The following SDK1 variants were observed in gnomAD, a reference collection of about 807,000 sequenced individuals.
The protein encoded by SDK1 is sidekick cell adhesion molecule 1.
In SDK1, 157 loss-of-function variants were observed where a neutral mutation model predicts 245.5. The ratio of observed to expected loss-of-function variants is 0.64; its 90% CI spans 0.56 to 0.73. The LOEUF is 0.73. Ranked by LOEUF, SDK1 falls within the 30% of genes least tolerant of loss-of-function variation. The pLI is 0.00. For missense variants in SDK1, 3,583 were observed against 3,002.3 expected, an observed-to-expected ratio of 1.19 and a Z score of -4.52; for synonymous variants, 1,647 against 1,278.5, an observed-to-expected ratio of 1.29 and a Z score of -6.15.
chr7:3,642,159 GC>G, intron 4 of SDK1, 54 bp downstream of exon 4: 4 of 1,529,622 alleles, frequency 2.6e-6, no homozygotes, highest in Non-Finnish European at 3.6e-6. Context: ...TCACTTGCTG[GC>G]ACCATCTACA....
At chr7:4,007,391 G>A (rs1785566592) in intron 14 of SDK1, among the ~76,000 whole-genome samples, 1 of 152,080 alleles carries the variant, frequency 6.6e-6, no homozygotes, top group African/African-American at 2.4e-5. Flanking sequence ...CAGTGAGGAA[G>A]AAAGAGCCTT....
chr7:4,169,438 G>A (rs1017544226), intron 32 of SDK1, among the ~76,000 whole-genome samples: 9 of 152,146 alleles, frequency 5.9e-5, no homozygotes, highest in Non-Finnish European at 8.8e-5. Flanking sequence ...CACTGTGCCC[G>A]CCTTGCAGAG....
At chr7:4,206,794 C>G (rs1261638588) in intron 36 of SDK1, among the ~76,000 whole-genome samples, 1 of 152,130 alleles carries the variant, frequency 6.6e-6, no homozygotes, top group Non-Finnish European at 1.5e-5. Context: ...TGCTGGGACC[C>G]AAGTCGATCA....
intron 9 of SDK1, among the ~76,000 whole-genome samples, chr7:3,966,522 G>A (rs139658632): frequency 6.6e-6 from 1 of 152,132 alleles, no homozygotes; most frequent in African/African-American, 2.4e-5. Context: ...CATCCCCCAT[G>A]AACAAGAAGA....
chr7:4,181,963 A>G (rs1782626913), intron 35 of SDK1, among the ~76,000 whole-genome samples: 1 of 152,060 alleles, frequency 6.6e-6, no homozygotes, highest in Admixed American at 6.6e-5. Flanking sequence ...TCTGTCACCC[A>G]GGCTGGAGTG....
intron 10 of SDK1, among the ~76,000 whole-genome samples, chr7:3,968,098 C>G (rs1288137173): frequency 1.3e-5 from 2 of 152,270 alleles, no homozygotes; most frequent in East Asian, 3.8e-4. Context: ...TGCTAGCACT[C>G]ACTTTTCCCA....
intron 22 of SDK1, 137 bp downstream of exon 22, chr7:4,079,721 G>A: frequency 1.6e-6 from 2 of 1,247,300 alleles, no homozygotes. Context: ...CCAGGGGCTG[G>A]AGATAGCCCA....
intron 1 of SDK1, among the ~76,000 whole-genome samples, chr7:3,510,379 T>C (rs1217854863): frequency 2.6e-5 from 4 of 152,198 alleles, no homozygotes; most frequent in Admixed American, 2.6e-4. Flanking sequence ...GCTCCAAGTT[T>C]TTTAGTTATG....
At chr7:4,092,899 C>G (rs1781900525) in intron 22 of SDK1, among the ~76,000 whole-genome samples, 1 of 152,180 alleles carries the variant, frequency 6.6e-6, no homozygotes, top group African/African-American at 2.4e-5. Context: ...CACTCTCTGC[C>G]AGAAGAGTGT....
chr7:4,146,737 G>A (rs138714084), intron 29 of SDK1, among the ~76,000 whole-genome samples: 10 of 152,336 alleles, frequency 6.6e-5, no homozygotes, highest in Admixed American at 3.3e-4. Context: ...GAGAACTGCC[G>A]GGCGAGCAGG....
intron 4 of SDK1, among the ~76,000 whole-genome samples, chr7:3,686,792 G>A (rs142741917): frequency 1.0e-3 from 153 of 152,232 alleles, no homozygotes; most frequent in African/African-American, 3.5e-3. Context: ...GCTTATGTAT[G>A]GAAAGCATTT....
At chr7:4,246,290 G>A (rs755778178) in intron 44 of SDK1, among the ~76,000 whole-genome samples, 17 of 152,232 alleles carry the variant, frequency 1.1e-4, no homozygotes, top group South Asian at 2.1e-4. Context: ...TCGCTTTCAC[G>A]TGCTCCATCT....
chr7:4,105,199 T>C (rs1225393305), intron 22 of SDK1, among the ~76,000 whole-genome samples: 1 of 151,958 alleles, frequency 6.6e-6, no homozygotes, highest in Non-Finnish European at 1.5e-5. Flanking sequence ...GCCAGGCTGA[T>C]CTTGAACTCC....
chr7:3,583,310 T>A (rs1184460449), intron 1 of SDK1, among the ~76,000 whole-genome samples: 2 of 152,214 alleles, frequency 1.3e-5, no homozygotes, highest in Admixed American at 6.5e-5. Context: ...AAATTTTCAG[T>A]GCATTATGTT....
chr7:4,173,940 A>G (rs539396466), intron 32 of SDK1, among the ~76,000 whole-genome samples: 198 of 152,306 alleles, frequency 1.3e-3, no homozygotes, highest in African/African-American at 4.6e-3. Flanking sequence ...CTCCTGCCCC[A>G]GCCTGGGGGC....
intron 22 of SDK1, among the ~76,000 whole-genome samples, chr7:4,097,866 C>T (rs372356220): frequency 5.1e-4 from 78 of 152,262 alleles, no homozygotes; most frequent in Non-Finnish European, 8.1e-4. Flanking sequence ...AATAGTCATT[C>T]GCACATGCAC....
intron 1 of SDK1, among the ~76,000 whole-genome samples, chr7:3,463,142 T>C (rs1780884877): frequency 6.6e-6 from 1 of 152,190 alleles, no homozygotes; most frequent in Non-Finnish European, 1.5e-5. Flanking sequence ...AAGTGTCATT[T>C]CCCTGACTCC....
intron 1 of SDK1, among the ~76,000 whole-genome samples, chr7:3,568,665 G>A (rs1412628589): frequency 6.6e-6 from 1 of 152,162 alleles, no homozygotes; most frequent in Non-Finnish European, 1.5e-5. Flanking sequence ...CAGACCTGTG[G>A]CAGACAGAGC....
At chr7:3,525,256 T>C (rs1240805859) in intron 1 of SDK1, among the ~76,000 whole-genome samples, 1 of 152,134 alleles carries the variant, frequency 6.6e-6, no homozygotes, top group Non-Finnish European at 1.5e-5. Context: ...CTGTACGTGA[T>C]GATGGGCCTC....
Sources: allele counts gnomAD v4.1 joint callset (sites outside exome capture counted in the v4.1 genomes callset), GRCh38; gene constraint gnomAD v4.1.1; transcripts MANE v1.5; gene names NCBI Gene and HGNC (gene_info 2026-07-23, HGNC 2026-07-21).